The following LRRTM4 variants were observed in gnomAD, a reference collection of about 807,000 sequenced individuals.
The protein encoded by LRRTM4 is leucine-rich repeat transmembrane neuronal protein 4.
LRRTM4 carries 25 observed loss-of-function variants against 47.6 expected under a neutral mutation model. That is an observed-to-expected ratio of 0.53 (90% CI 0.38 to 0.73). The LOEUF (loss-of-function observed/expected upper bound fraction) is 0.73. Ranked by LOEUF, LRRTM4 falls within the 30% of genes least tolerant of loss-of-function variation. LRRTM4 has a pLI of 0.00. For synonymous variants in LRRTM4, 311 were observed against 269.5 expected (o/e 1.15, Z -1.51); for missense variants, 638 against 713.4 (o/e 0.89, Z 1.20).
chr2:77,159,378 G>T (rs1458797595), intron 3 of LRRTM4, among the ~76,000 whole-genome samples: 1 of 152,036 alleles, frequency 6.6e-6, no homozygotes, highest in African/African-American at 2.4e-5. Flanking sequence ...ATCGTTGGTT[G>T]GGGAGAGGGA....
rs536432935 is a variant in LRRTM4 at position 77,395,098 on chromosome 2, T to G, written c.1551+123220A>C. Among the ~76,000 whole-genome samples the G allele has an allele frequency of 2.8e-3, 432 of 152,088 alleles. 2 individuals are homozygous for G. Among genetic ancestry groups the G allele is most frequent in the African/African-American group, 0.01 (417 of 41,526 alleles). On this transcript the variant is annotated intron_variant, in intron 3 of 3. Transcript: ENST00000409884. ...GCATGGCCTTTGGTCTTGTTTATACTTTGGCATCTTACTGGGCCACAAAGA... is the reference window on the plus strand; with the variant it reads ...GCATGGCCTTTGGTCTTGTTTATACGTTGGCATCTTACTGGGCCACAAAGA...
intron 3 of LRRTM4, among the ~76,000 whole-genome samples, chr2:77,249,299 G>A (rs1247281200): frequency 4.0e-5 from 6 of 151,816 alleles, no homozygotes; most frequent in Admixed American, 6.6e-5. Context: ...GCAGTGAGCC[G>A]ATATTACGCC....
At chr2:77,346,597 T>C (rs890537050) in intron 3 of LRRTM4, among the ~76,000 whole-genome samples, 3 of 152,082 alleles carry the variant, frequency 2.0e-5, no homozygotes, top group African/African-American at 7.2e-5. Context: ...CTTAAAGTTT[T>C]TCAAAAATTT....
At chr2:76,802,435 G>A (rs1334746973) in intron 3 of LRRTM4, among the ~76,000 whole-genome samples, 1 of 151,878 alleles carries the variant, frequency 6.6e-6, no homozygotes, top group Non-Finnish European at 1.5e-5. Flanking sequence ...TCTATATACT[G>A]AAAACAAAAA....
intron 3 of LRRTM4, among the ~76,000 whole-genome samples, chr2:76,907,036 A>G (rs1484071664): frequency 6.6e-6 from 1 of 152,144 alleles, no homozygotes; most frequent in East Asian, 1.9e-4. Context: ...TCAACACAAT[A>G]TACATTTTTT....
At chr2:76,789,561 C>A (rs1471569941) in intron 3 of LRRTM4, among the ~76,000 whole-genome samples, 1 of 152,164 alleles carries the variant, frequency 6.6e-6, no homozygotes, top group African/African-American at 2.4e-5. Flanking sequence ...CAGCCACATA[C>A]CTTTTTATAA....
At chr2:76,913,688 C>T (rs2103787334) in intron 3 of LRRTM4, among the ~76,000 whole-genome samples, 1 of 151,884 alleles carries the variant, frequency 6.6e-6, no homozygotes, top group Admixed American at 6.6e-5. Context: ...TGCAGGCATG[C>T]ACCACCACAC....
chr2:77,389,790 C>T (rs566355210), intron 3 of LRRTM4, among the ~76,000 whole-genome samples: 26 of 152,172 alleles, frequency 1.7e-4, no homozygotes, highest in Admixed American at 5.9e-4. Context: ...TTTCTCCCTT[C>T]GTCCTCTTTT....
At chr2:77,288,229 T>A (rs986875320) in intron 3 of LRRTM4, among the ~76,000 whole-genome samples, 1 of 151,402 alleles carries the variant, frequency 6.6e-6, no homozygotes, top group Admixed American at 6.6e-5. Flanking sequence ...TTAGATAAAA[T>A]AATATATTTA....
intron 3 of LRRTM4, among the ~76,000 whole-genome samples, chr2:77,184,911 C>A (rs1255086549): frequency 6.6e-6 from 1 of 152,042 alleles, no homozygotes; most frequent in African/African-American, 2.4e-5. Flanking sequence ...TCCCCATGTT[C>A]TTTATTTTCA....
intron 3 of LRRTM4, among the ~76,000 whole-genome samples, chr2:76,816,946 G>C (rs908358601): frequency 4.0e-5 from 6 of 149,140 alleles, no homozygotes; most frequent in African/African-American, 1.5e-4. Context: ...TGTACATGCA[G>C]AGTATTGCAG....
intron 3 of LRRTM4, among the ~76,000 whole-genome samples, chr2:76,869,311 G>GAA (rs113988123): frequency 0.012 from 1,794 of 145,172 alleles, 39 homozygotes; most frequent in African/African-American, 0.042. Flanking sequence ...TCATCTCAAA[G>GAA]AAAAAAAAAA....
intron 3 of LRRTM4, among the ~76,000 whole-genome samples, chr2:76,936,684 G>C (rs955862443): frequency 6.6e-6 from 1 of 151,376 alleles, no homozygotes; most frequent in Non-Finnish European, 1.5e-5. Context: ...GCCGGGCACA[G>C]TGACTCACGC....
chr2:76,856,787 G>GA (rs958461829), intron 3 of LRRTM4, among the ~76,000 whole-genome samples: 6 of 151,170 alleles, frequency 4.0e-5, no homozygotes, highest in South Asian at 2.1e-4. Context: ...TTGTAAAAAA[G>GA]AAAAAAAAGC....
intron 3 of LRRTM4, among the ~76,000 whole-genome samples, chr2:77,271,595 T>C (rs1676197272): frequency 6.6e-6 from 1 of 150,984 alleles, no homozygotes; most frequent in Non-Finnish European, 1.5e-5. Context: ...CATCATTAGT[T>C]CATACCTCTT....
chr2:77,397,069 T>A (rs56370393), intron 3 of LRRTM4, among the ~76,000 whole-genome samples: 1 of 151,900 alleles, frequency 6.6e-6, no homozygotes, highest in Non-Finnish European at 1.5e-5. Flanking sequence ...TTGTATGCTG[T>A]GAACTAATAA....
chr2:77,096,351 A>C (rs1339385971), intron 3 of LRRTM4, among the ~76,000 whole-genome samples: 1 of 151,784 alleles, frequency 6.6e-6, no homozygotes, highest in Non-Finnish European at 1.5e-5. Flanking sequence ...GGATATATTC[A>C]AACAAAAGGA....
chr2:76,966,422 C>G (rs893968485), intron 3 of LRRTM4, among the ~76,000 whole-genome samples: 1 of 151,366 alleles, frequency 6.6e-6, no homozygotes. Flanking sequence ...GCTCTAGACT[C>G]TGACCTCATA....
At chr2:76,844,345 C>T (rs1671777185) in intron 3 of LRRTM4, among the ~76,000 whole-genome samples, 1 of 152,128 alleles carries the variant, frequency 6.6e-6, no homozygotes, top group African/African-American at 2.4e-5. Flanking sequence ...CCATGTCGGC[C>T]AGGATGGTCT....
Sources: gnomAD v4.1 joint callset for allele counts (sites outside exome capture counted in the v4.1 genomes callset) on GRCh38, gnomAD v4.1.1 for gene constraint, MANE v1.5 for transcripts, NCBI Gene and HGNC (gene_info 2026-07-23, HGNC 2026-07-21) for gene names.